MAST2: variants seen among roughly 807,000 people sequenced by gnomAD.
MAST2 encodes microtubule-associated serine/threonine-protein kinase 2.
A neutral mutation model predicts 147.4 loss-of-function variants in MAST2; 70 were observed. The ratio of observed to expected loss-of-function variants is 0.47; its 90% CI spans 0.39 to 0.58. The LOEUF (loss-of-function observed/expected upper bound fraction) is 0.58. MAST2 is among the 20% of genes least tolerant of loss of function. MAST2 has a pLI of 0.00. For missense variants in MAST2, 2,080 were observed against 2,302.3 expected, an observed-to-expected ratio of 0.90 and a Z score of 1.98; for synonymous variants, 869 against 896.8, an observed-to-expected ratio of 0.97 and a Z score of 0.55.
intron 5 of MAST2, among the ~76,000 whole-genome samples, chr1:45,971,559 A>G (rs1643914179): frequency 6.6e-6 from 1 of 152,236 alleles, no homozygotes; most frequent in Non-Finnish European, 1.5e-5. Context: ...AATTAGCACC[A>G]AGAGCCTGTT....
chr1:46,008,753 T>A (rs1645592934), intron 9 of MAST2, among the ~76,000 whole-genome samples: 1 of 152,216 alleles, frequency 6.6e-6, no homozygotes, highest in African/African-American at 2.4e-5. Context: ...ATTACAGGAT[T>A]TGCCCTCTGG....
At chr1:45,997,145 C>T (rs1338821576) in intron 5 of MAST2, among the ~76,000 whole-genome samples, 1 of 152,206 alleles carries the variant, frequency 6.6e-6, no homozygotes, top group Non-Finnish European at 1.5e-5. Flanking sequence ...TTACAGGGAA[C>T]ACGTGAATAC....
In MAST2 at chr1:46,028,902, T is replaced by A; in HGVS notation, c.2187T>A (p.Thr729=). ...LVGCVPFFGD[T]PEELFGQVIS... Reference sequence around the variant, plus strand: ...GCTGCGTCCCTTTTTTTGGAGATACTCCGGAGGAGCTCTTTGGGCAGGTGA... The same window carrying A: ...GCTGCGTCCCTTTTTTTGGAGATACACCGGAGGAGCTCTTTGGGCAGGTGA... Residue 729 remains threonine, a synonymous_variant, in exon 18 of 29, where the codon ACT becomes ACA. Coordinates refer to ENST00000361297, the MANE Select transcript of MAST2 (RefSeq NM_015112.3). 6.2e-7 allele frequency: 1 copy of A among 1,607,608 alleles called. No homozygotes were observed. Among genetic ancestry groups the A allele is most frequent in the Non-Finnish European group, 8.5e-7 (1 of 1,177,122 alleles).
chr1:46,007,422 C>G (rs1269536338), intron 8 of MAST2, among the ~76,000 whole-genome samples: 1 of 152,162 alleles, frequency 6.6e-6, no homozygotes, highest in Non-Finnish European at 1.5e-5. Flanking sequence ...TTCTCAACAA[C>G]CCATACACAG....
At chr1:45,865,563 A>G (rs948485731) in intron 3 of MAST2, among the ~76,000 whole-genome samples, 7 of 152,068 alleles carry the variant, frequency 4.6e-5, no homozygotes, top group Non-Finnish European at 1.0e-4. Flanking sequence ...CTAAATTATC[A>G]CTTGGCATAT....
chr1:45,947,683 C>T (rs1042300344), intron 4 of MAST2, among the ~76,000 whole-genome samples: 1 of 152,186 alleles, frequency 6.6e-6, no homozygotes, highest in Non-Finnish European at 1.5e-5. Context: ...TGACATGATT[C>T]TATATGTAGA....
chr1:45,852,250 G>A (rs983628173), intron 3 of MAST2, among the ~76,000 whole-genome samples: 5 of 152,134 alleles, frequency 3.3e-5, no homozygotes, highest in East Asian at 3.9e-4. Context: ...ATACAGAACC[G>A]TACTGTCATT....
At chr1:45,914,853 GTTAT>G (rs1652224229) in intron 4 of MAST2, among the ~76,000 whole-genome samples, 1 of 152,202 alleles carries the variant, frequency 6.6e-6, no homozygotes, top group Non-Finnish European at 1.5e-5. Context: ...CAACTAATGT[GTTAT>G]TTAAAGTAAA....
intron 1 of MAST2, among the ~76,000 whole-genome samples, chr1:45,813,799 A>G (rs1644372903): frequency 6.6e-6 from 1 of 152,082 alleles, no homozygotes; most frequent in Non-Finnish European, 1.5e-5. Flanking sequence ...GCGCCTGGCC[A>G]GATTATAATT....
chr1:45,877,342 T>A (rs1238526493), intron 3 of MAST2, among the ~76,000 whole-genome samples: 6 of 152,134 alleles, frequency 3.9e-5, no homozygotes, highest in Non-Finnish European at 8.8e-5. Context: ...TTCTCCTGCC[T>A]CAATCTCCTG....
chr1:45,857,846 C>T (rs550564991), intron 3 of MAST2, among the ~76,000 whole-genome samples: 52 of 122,628 alleles, frequency 4.2e-4, no homozygotes, highest in African/African-American at 1.3e-3. Context: ...TGAGAACATG[C>T]GGTGTTTTTT....
At chr1:45,837,120 T>C (rs1416349487) in intron 3 of MAST2, among the ~76,000 whole-genome samples, 5 of 152,322 alleles carry the variant, frequency 3.3e-5, no homozygotes, top group South Asian at 4.1e-4. Flanking sequence ...CCATGTGGCC[T>C]GGTCCCTAAC....
intron 4 of MAST2, among the ~76,000 whole-genome samples, chr1:45,905,320 G>GCC (rs1650506073): frequency 6.6e-6 from 1 of 151,898 alleles, no homozygotes; most frequent in Non-Finnish European, 1.5e-5. Context: ...AAGTAGCTGG[G>GCC]AGTACAGGCA....
intron 7 of MAST2, among the ~76,000 whole-genome samples, chr1:46,004,556 T>C (rs1451295848): frequency 1.3e-5 from 2 of 152,220 alleles, no homozygotes; most frequent in African/African-American, 4.8e-5. Context: ...TAGCTATAGC[T>C]GGTAAGAATA....
intron 3 of MAST2, among the ~76,000 whole-genome samples, chr1:45,882,097 C>A (rs1278683078): frequency 2.9e-5 from 4 of 140,186 alleles, no homozygotes; most frequent in African/African-American, 1.1e-4. Flanking sequence ...GAGGCTGAGA[C>A]AGGAGAAAGG....
rs1646687573 is a variant in MAST2, at chr1:46,031,949, C to T, written c.3188-229C>T. Among the ~76,000 whole-genome samples the T allele has an allele frequency of 6.6e-6, 1 of 152,120 alleles. No individual in the cohort carries two copies. Among genetic ancestry groups the T allele is most frequent in the Non-Finnish European group, 1.5e-5 (1 of 68,038 alleles). ...GTGACATTTAAATATATATGACAAG[C>T]TTATATAGTCCCTGATACACACATA... On this transcript the variant is annotated intron_variant, in intron 24 of 28. Coordinates refer to ENST00000361297, the MANE Select transcript of MAST2 (RefSeq NM_015112.3). This position sits in a 1 kb window ranked among gnomAD's most constrained non-coding sequence, Gnocchi z 4.1.
At chr1:45,971,165 G>C (rs568965374) in intron 5 of MAST2, among the ~76,000 whole-genome samples, 30 of 152,326 alleles carry the variant, frequency 2.0e-4, no homozygotes, top group South Asian at 1.7e-3. Flanking sequence ...TTCAGGACTT[G>C]TTGTAGTTGC....
At position 45,928,701 on chromosome 1, in the gene MAST2, C is replaced by G. The variant is rs565274903; in HGVS notation, c.501-30685C>G. 6.6e-5 allele frequency among the ~76,000 whole-genome samples: 10 copies of G among 152,152 alleles called. 1 individual carries two copies. The highest frequency in any genetic ancestry group is 2.4e-4 in the African/African-American group (10 of 41,504). On this transcript the variant is annotated intron_variant, in intron 4 of 28. Transcript: ENST00000361297. ...GCTCAAACAATCCTCCAACCTCAGCCTCCCAAGTAGTTGGGACTACAGACA... is the reference window on the plus strand; with the variant it reads ...GCTCAAACAATCCTCCAACCTCAGCGTCCCAAGTAGTTGGGACTACAGACA...
chr1:46,023,693 G>A lies in MAST2; in HGVS notation c.1572-79G>A. 5 of 1,327,398 alleles carry A rather than the reference G, an allele frequency of 3.8e-6. No homozygotes were observed. The highest frequency in any genetic ancestry group is 5.3e-6 in the Non-Finnish European group (5 of 946,108). 82.2% of individuals were successfully genotyped at this position (1,327,398 alleles called of 1,614,324 possible). A position where few individuals can be genotyped will look rare whatever the true frequency, so the allele number is the denominator to read the frequency against. On this transcript the variant is annotated intron_variant, in intron 14 of 28. Transcript: ENST00000361297. The surrounding 1 kb of genome is among the most constrained non-coding windows in gnomAD (Gnocchi z 4.9). The stretch of plus-strand genomic sequence containing the variant: ...GTTCTGTGCATTAATTAAGGTGTGA[G>A]AGAAGGCAGTTTGGGTGGCAGAGAG...
Sources: gnomAD v4.1 joint callset for allele counts (sites outside exome capture counted in the v4.1 genomes callset) on GRCh38, gnomAD v4.1.1 for gene constraint, Gnocchi (gnomAD v3.1) non-coding constraint, MANE v1.5 for transcripts, NCBI Gene and HGNC (gene_info 2026-07-23, HGNC 2026-07-21) for gene names.